Variants in PLPP4 observed in about 807,000 individuals in gnomAD.
PLPP4 encodes diacylglycerol pyrophosphate like 2.
PLPP4 carries 20 observed loss-of-function variants against 32.2 expected under a neutral mutation model. That is an observed-to-expected ratio of 0.62 (90% CI 0.44 to 0.90). The LOEUF (loss-of-function observed/expected upper bound fraction) is 0.90, where lower values mean the gene tolerates loss of function less well. Among genes scored for constraint, PLPP4 ranks in the 40% least tolerant of loss-of-function variants. The probability of loss-of-function intolerance (pLI) is 0.00; values close to 1 mark genes in which losing one functional copy is unlikely to be tolerated. For synonymous variants in PLPP4, 127 were observed against 133.0 expected, an observed-to-expected ratio of 0.95 and a Z score of 0.31; for missense variants, 257 against 353.1, an observed-to-expected ratio of 0.73 and a Z score of 2.18.
intron 1 of PLPP4, among the ~76,000 whole-genome samples, chr10:120,465,196 T>G (rs1179858962): frequency 2.0e-5 from 3 of 152,224 alleles, no homozygotes; most frequent in Admixed American, 2.0e-4. Context: ...AAATATTATC[T>G]TGCTGTTCTA....
At chr10:120,533,054 A>G (rs1846815028) in intron 5 of PLPP4, among the ~76,000 whole-genome samples, 1 of 152,200 alleles carries the variant, frequency 6.6e-6, no homozygotes, top group Non-Finnish European at 1.5e-5. Context: ...AATGGAATTG[A>G]TGGGCATATG....
At chr10:120,511,955 G>C (rs986287412) in intron 2 of PLPP4, among the ~76,000 whole-genome samples, 3 of 152,074 alleles carry the variant, frequency 2.0e-5, no homozygotes, top group African/African-American at 2.4e-5. Flanking sequence ...TTAGCCGGGC[G>C]TGGTGGCGGG....
chr10:120,586,586 A>C (rs908861196), intron 6 of PLPP4, among the ~76,000 whole-genome samples: 4 of 152,174 alleles, frequency 2.6e-5, no homozygotes, highest in African/African-American at 9.7e-5. Flanking sequence ...GGTCATCAGG[A>C]GGACCAGAAT....
chr10:120,509,709 T>G (rs918519835), intron 2 of PLPP4, among the ~76,000 whole-genome samples: 1 of 152,170 alleles, frequency 6.6e-6, no homozygotes, highest in African/African-American at 2.4e-5. Flanking sequence ...ATTTGTACAA[T>G]GGGAATAATA....
intron 1 of PLPP4, among the ~76,000 whole-genome samples, chr10:120,491,883 G>C (rs1361653804): frequency 6.6e-6 from 1 of 152,002 alleles, no homozygotes; most frequent in Non-Finnish European, 1.5e-5. Flanking sequence ...AAAAACCCAA[G>C]TGATCTCCCA....
At chr10:120,471,937 T>G (rs1848534813) in intron 1 of PLPP4, among the ~76,000 whole-genome samples, 1 of 152,052 alleles carries the variant, frequency 6.6e-6, no homozygotes, top group Admixed American at 6.5e-5. Flanking sequence ...TATGCACTTT[T>G]TACTTATTAC....
intron 5 of PLPP4, among the ~76,000 whole-genome samples, chr10:120,548,370 G>T (rs549385661): frequency 6.6e-6 from 1 of 152,032 alleles, no homozygotes; most frequent in Non-Finnish European, 1.5e-5. Context: ...TAGGATAAAG[G>T]TCTCCACCTC....
chr10:120,580,651 A>ACACT (rs1166827280), intron 6 of PLPP4, among the ~76,000 whole-genome samples: 1 of 113,720 alleles, frequency 8.8e-6, no homozygotes, highest in Admixed American at 1.0e-4. Context: ...TTACACACAC[A>ACACT]CACACACACA....
intron 5 of PLPP4, among the ~76,000 whole-genome samples, chr10:120,543,828 A>T (rs1571094): frequency 0.71 from 107,164 of 151,976 alleles, 37,991 homozygotes; most frequent in East Asian, 0.84. Context: ...TGATTTCAAT[A>T]ACTCTAGGTC....
chr10:120,539,789 C>G (rs1847248354), intron 5 of PLPP4, among the ~76,000 whole-genome samples: 1 of 152,062 alleles, frequency 6.6e-6, no homozygotes, highest in African/African-American at 2.4e-5. Flanking sequence ...TCATGAGGAA[C>G]TCTATATAAT....
intron 5 of PLPP4, among the ~76,000 whole-genome samples, chr10:120,547,807 A>G (rs989752226): frequency 2.6e-5 from 4 of 152,200 alleles, no homozygotes. Context: ...AGGCACTGGA[A>G]CAGAGAGACA....
In PLPP4 at chr10:120,589,843, G is replaced by A. The variant is rs943829207; in HGVS notation, c.*341G>A. On this transcript the variant is annotated 3_prime_UTR_variant, in exon 7 of 7. Transcript: ENST00000398250. Reference sequence around the variant, plus strand: ...TGTAAAACATAATAAAACCTCCCACGTGGAAGACTTGGTGTTGGCCACCCA... The same window carrying A: ...TGTAAAACATAATAAAACCTCCCACATGGAAGACTTGGTGTTGGCCACCCA... 8.4e-5 allele frequency: 18 copies of A among 215,556 alleles called. No homozygotes were observed. The highest frequency in any genetic ancestry group is 3.0e-4 in the African/African-American group (13 of 43,580). 13.4% of individuals were successfully genotyped at this position (215,556 alleles called of 1,614,324 possible).
intron 5 of PLPP4, among the ~76,000 whole-genome samples, chr10:120,531,082 A>G (rs1460419551): frequency 2.4e-5 from 3 of 123,538 alleles, no homozygotes; most frequent in Non-Finnish European, 4.8e-5. Context: ...TATGCCTGTC[A>G]TTTTCTTTTT....
chr10:120,541,883 T>C (rs1270245311), intron 5 of PLPP4, among the ~76,000 whole-genome samples: 1 of 152,002 alleles, frequency 6.6e-6, no homozygotes, highest in Admixed American at 6.6e-5. Flanking sequence ...CAAGCAATTC[T>C]CTTGCCTCAG....
intron 6 of PLPP4, among the ~76,000 whole-genome samples, chr10:120,575,807 A>G (rs1399501796): frequency 6.6e-6 from 1 of 152,216 alleles, no homozygotes; most frequent in Admixed American, 6.5e-5. Flanking sequence ...ATATATACAT[A>G]TATCAGTCCT....
At chr10:120,567,832 T>C (rs997565362) in intron 5 of PLPP4, among the ~76,000 whole-genome samples, 3 of 152,216 alleles carry the variant, frequency 2.0e-5, no homozygotes, top group African/African-American at 7.2e-5. Context: ...AAAATATATC[T>C]TTCTAAATTC....
At chr10:120,520,107 A>G (rs1846089405) in intron 4 of PLPP4, among the ~76,000 whole-genome samples, 1 of 152,230 alleles carries the variant, frequency 6.6e-6, no homozygotes, top group African/African-American at 2.4e-5. Context: ...TGTGGAGCTT[A>G]GCACTGTGTC....
intron 4 of PLPP4, 37 bp downstream of exon 4, chr10:120,518,933 A>G (rs753544845): frequency 6.4e-7 from 1 of 1,553,384 alleles, no homozygotes; most frequent in Non-Finnish European, 8.9e-7. Flanking sequence ...GACTTAGACT[A>G]TCAAGGTCAT....
At chr10:120,499,887 C>T (rs548455610) in intron 1 of PLPP4, among the ~76,000 whole-genome samples, 2 of 152,272 alleles carry the variant, frequency 1.3e-5, no homozygotes, top group African/African-American at 2.4e-5. Flanking sequence ...AGGATGTTTC[C>T]AGGCCTGGGC....
Sources: allele counts gnomAD v4.1 joint callset (sites outside exome capture counted in the v4.1 genomes callset), GRCh38; gene constraint gnomAD v4.1.1; transcripts MANE v1.5; gene names NCBI Gene and HGNC (gene_info 2026-07-23, HGNC 2026-07-21).